The following AOAH variants were observed in gnomAD, a reference collection of about 807,000 sequenced individuals.
AOAH encodes the protein acyloxyacyl hydrolase (neutrophil).
AOAH carries 64 observed loss-of-function variants against 92.2 expected under a neutral mutation model. The ratio of observed to expected loss-of-function variants is 0.69; its 90% CI spans 0.57 to 0.86. The LOEUF is 0.86. AOAH is among the 40% of genes least tolerant of loss of function. The pLI is 0.00. For missense variants in AOAH, 656 were observed against 694.6 expected (o/e 0.94, Z 0.62); for synonymous variants, 263 against 254.5 (o/e 1.03, Z -0.32).
chr7:36,708,481 A>G (rs966080659), intron 1 of AOAH, among the ~76,000 whole-genome samples: 29 of 152,174 alleles, frequency 1.9e-4, no homozygotes, highest in African/African-American at 7.0e-4. Flanking sequence ...TTCTTTCGCT[A>G]TGGTGGTCTT....
At chr7:36,522,641 T>TGATGAAAAGC (rs1784165473) in intron 19 of AOAH, among the ~76,000 whole-genome samples, 1 of 152,106 alleles carries the variant, frequency 6.6e-6, no homozygotes, top group Non-Finnish European at 1.5e-5. Context: ...AGCCCCAGAA[T>TGATGAAAAGC]GATGAAAAGC....
intron 5 of AOAH, among the ~76,000 whole-genome samples, chr7:36,632,405 A>T (rs1457257116): frequency 6.6e-6 from 1 of 152,196 alleles, no homozygotes. Flanking sequence ...GTCCGGCAAC[A>T]GCATTCCTCT....
chr7:36,552,422 G>T (rs4723543), intron 13 of AOAH, among the ~76,000 whole-genome samples: 123,948 of 152,120 alleles, frequency 0.81, 51,217 homozygotes, highest in South Asian at 0.9. Flanking sequence ...TATTTGGGTT[G>T]ATTTCATCTC....
intron 1 of AOAH, among the ~76,000 whole-genome samples, chr7:36,703,578 T>C (rs970617031): frequency 6.6e-6 from 1 of 152,088 alleles, no homozygotes; most frequent in African/African-American, 2.4e-5. Context: ...TGGTGTGTGA[T>C]GTTCCCCTCC....
rs117556863 is a variant in AOAH at position 36,540,505 on chromosome 7, A to G, written c.1134-14T>C. 7.2e-3 allele frequency: 11,454 copies of G among 1,598,158 alleles called. 48 individuals are homozygous for G. Among genetic ancestry groups the G allele is most frequent in the Non-Finnish European group, 8.4e-3 (9,790 of 1,171,992 alleles). ...GGGTCACTCTTCCTGTTGGTGGAAT[A>G]AACAGAAAATATCTTGGTTGATTGT... On this transcript the variant is annotated splice_polypyrimidine_tract_variant and intron_variant, in intron 15 of 20. Transcript: ENST00000617537.
intron 12 of AOAH, among the ~76,000 whole-genome samples, chr7:36,579,513 A>AATATAT (rs148671536): frequency 9.9e-5 from 15 of 150,900 alleles, no homozygotes; most frequent in African/African-American, 2.4e-4. Context: ...TAATGGAATG[A>AATATAT]ATATATATAT....
At position 36,631,750 on chromosome 7, in the gene AOAH, C is replaced by T. The variant is rs545494866; in HGVS notation, c.521+286G>A. On this transcript the variant is annotated intron_variant, in intron 6 of 20. Coordinates refer to ENST00000617537, the MANE Select transcript of AOAH (RefSeq NM_001637.4). ...TCCAGGTGTAGTGCAGTGGGCACCTCGCTGGCAGGCACTTGCCGGCAGTGA... is the reference window on the plus strand; with the variant it reads ...TCCAGGTGTAGTGCAGTGGGCACCTTGCTGGCAGGCACTTGCCGGCAGTGA... 2.3e-3 allele frequency among the ~76,000 whole-genome samples: 355 copies of T among 152,250 alleles called. 1 individual carries two copies. The highest frequency in any genetic ancestry group is 8.2e-3 in the African/African-American group (340 of 41,548).
At chr7:36,651,190 T>G (rs1367055594) in intron 4 of AOAH, among the ~76,000 whole-genome samples, 2 of 152,240 alleles carry the variant, frequency 1.3e-5, no homozygotes, top group East Asian at 1.9e-4. Context: ...TCACTGTTTG[T>G]CTATAGCCTC....
chr7:36,614,077 A>C lies in AOAH; in HGVS notation c.846+2303T>G, dbSNP rs1191509460. 6.6e-6 allele frequency among the ~76,000 whole-genome samples: 1 copy of C among 152,200 alleles called. No individual in the cohort carries two copies. The highest frequency in any genetic ancestry group is 1.5e-5 in the Non-Finnish European group (1 of 68,048). ...TTCTGCGGGTTAATTTCTCTGGATC[A>C]GTTTCAGTTTTCTGGGAGAGGGAAG... On this transcript the variant is annotated intron_variant, in intron 11 of 20. Transcript: ENST00000617537. The surrounding 1 kb of genome is among the most constrained non-coding windows in gnomAD (Gnocchi z 4.2).
At chr7:36,663,220 T>C (rs546661235) in intron 3 of AOAH, among the ~76,000 whole-genome samples, 17 of 152,290 alleles carry the variant, frequency 1.1e-4, no homozygotes, top group South Asian at 4.1e-4. Flanking sequence ...AGATGTCCCA[T>C]TGACCTCCTG....
In AOAH at chr7:36,573,898, TTCTC is replaced by T. The variant is rs770873995; in HGVS notation, c.1021+2672_1021+2675del. Among the ~76,000 whole-genome samples, 120 of 152,318 alleles carry T rather than the reference TTCTC, an allele frequency of 7.9e-4. 1 individual carries two copies. The highest frequency in any genetic ancestry group is 2.1e-4 in the Non-Finnish European group (14 of 68,032). ...TATTCAACTCTTCCCTTTTTCCCCT[TTCTC>T]TCTTGCTGGTTCTGAAAAATCAGTG... On this transcript the variant is annotated intron_variant, in intron 13 of 20. Coordinates refer to ENST00000617537, the MANE Select transcript of AOAH (RefSeq NM_001637.4).
At chr7:36,537,507 T>TTG (rs756913741) in intron 16 of AOAH, among the ~76,000 whole-genome samples, 2 of 3,306 alleles carry the variant, frequency 6.0e-4, no homozygotes, top group Non-Finnish European at 3.1e-3. Flanking sequence ...ACCCCTCTTG[T>TTG]TTTTTTTTTT....
At chr7:36,583,586 A>C (rs1789095036) in intron 12 of AOAH, among the ~76,000 whole-genome samples, 1 of 152,206 alleles carries the variant, frequency 6.6e-6, no homozygotes, top group African/African-American at 2.4e-5. Flanking sequence ...AATTATGCAG[A>C]GGTGAGGATG....
intron 9 of AOAH, among the ~76,000 whole-genome samples, chr7:36,618,944 T>A (rs1335057858): frequency 2.0e-5 from 3 of 152,106 alleles, no homozygotes; most frequent in African/African-American, 7.2e-5. Context: ...AGTGCCCAGA[T>A]TAAGAAACCT....
intron 15 of AOAH, among the ~76,000 whole-genome samples, chr7:36,542,362 G>A (rs1373696910): frequency 6.6e-6 from 1 of 152,208 alleles, no homozygotes; most frequent in African/African-American, 2.4e-5. Flanking sequence ...ATACATGTCT[G>A]CGTTTTGAGT....
At chr7:36,536,282 G>A (rs1279026788) in intron 16 of AOAH, among the ~76,000 whole-genome samples, 4 of 152,144 alleles carry the variant, frequency 2.6e-5, no homozygotes, top group Admixed American at 6.5e-5. Context: ...TTTCCTGAAC[G>A]CTTTCTTAAT....
At chr7:36,601,383 A>T (rs542445616) in intron 11 of AOAH, among the ~76,000 whole-genome samples, 224 of 141,820 alleles carry the variant, frequency 1.6e-3, no homozygotes, top group African/African-American at 5.3e-3. Context: ...GGGGAAGGGG[A>T]GGGAGAGAGA....
chr7:36,655,059 A>T (rs1019700607), intron 4 of AOAH, among the ~76,000 whole-genome samples: 2 of 152,234 alleles, frequency 1.3e-5, no homozygotes, highest in Non-Finnish European at 2.9e-5. Flanking sequence ...CCAAGTAAGT[A>T]TGTGCCTGGC....
At chr7:36,585,745 A>G (rs1789277975) in intron 12 of AOAH, among the ~76,000 whole-genome samples, 1 of 152,214 alleles carries the variant, frequency 6.6e-6, no homozygotes, top group Admixed American at 6.5e-5. Context: ...CAAAGTGTTC[A>G]TTTCTTCATG....
Sources: gnomAD v4.1 joint callset for allele counts (sites outside exome capture counted in the v4.1 genomes callset) on GRCh38, gnomAD v4.1.1 for gene constraint, Gnocchi (gnomAD v3.1) non-coding constraint, MANE v1.5 for transcripts, NCBI Gene and HGNC (gene_info 2026-07-23, HGNC 2026-07-21) for gene names.